Variants in HCN1 observed in about 807,000 individuals in gnomAD.
The protein encoded by HCN1 is potassium/sodium hyperpolarization-activated cyclic nucleotide-gated channel 1.
HCN1 carries 13 observed loss-of-function variants against 78.9 expected under a neutral mutation model. The ratio of observed to expected loss-of-function variants is 0.16; its 90% confidence interval spans 0.11 to 0.26. HCN1 has a LOEUF of 0.26. Among genes scored for constraint, HCN1 ranks in the 10% least tolerant of loss-of-function variants. HCN1 has a pLI of 1.00. For synonymous variants in HCN1, 552 were observed against 455.5 expected (o/e 1.21, Z -2.70); for missense variants, 810 against 1,154.3 (o/e 0.70, Z 4.32).
At chr5:45,350,206 A>G (rs571626668) in intron 5 of HCN1, among the ~76,000 whole-genome samples, 104 of 152,312 alleles carry the variant, frequency 6.8e-4, no homozygotes, top group African/African-American at 2.6e-4. Flanking sequence ...CCTGGGATGC[A>G]AGGCTGGTTC....
chr5:45,612,030 C>A (rs1744849448), intron 2 of HCN1, among the ~76,000 whole-genome samples: 2 of 152,126 alleles, frequency 1.3e-5, no homozygotes, highest in Admixed American at 1.3e-4. Flanking sequence ...GAATCCTATT[C>A]CAAGTTTAAA....
At chr5:45,619,953 G>A (rs1482911515) in intron 2 of HCN1, among the ~76,000 whole-genome samples, 1 of 151,956 alleles carries the variant, frequency 6.6e-6, no homozygotes, top group Non-Finnish European at 1.5e-5. Context: ...GAGAAATCTG[G>A]TAAACATCAC....
At chr5:45,381,033 T>C (rs1747798779) in intron 4 of HCN1, among the ~76,000 whole-genome samples, 1 of 152,140 alleles carries the variant, frequency 6.6e-6, no homozygotes, top group South Asian at 2.1e-4. Flanking sequence ...TGTTATGATA[T>C]TGCAAAGCTC....
chr5:45,393,047 CA>C (rs1739614887), intron 4 of HCN1, among the ~76,000 whole-genome samples: 1 of 152,068 alleles, frequency 6.6e-6, no homozygotes, highest in African/African-American at 2.4e-5. Flanking sequence ...TGGAATTATG[CA>C]GTCTGATTCA....
At chr5:45,680,031 T>C (rs973039687) in intron 1 of HCN1, among the ~76,000 whole-genome samples, 7 of 152,086 alleles carry the variant, frequency 4.6e-5, no homozygotes, top group South Asian at 2.1e-4. Flanking sequence ...AAGTTAAAAA[T>C]TGAAAATAGG....
At chr5:45,306,976 G>T (rs1037209691) in intron 5 of HCN1, among the ~76,000 whole-genome samples, 5 of 151,962 alleles carry the variant, frequency 3.3e-5, no homozygotes, top group Non-Finnish European at 7.4e-5. Context: ...TGTAGTACAA[G>T]AAAGTATGTA....
intron 2 of HCN1, among the ~76,000 whole-genome samples, chr5:45,564,680 T>C (rs1013923729): frequency 1.3e-5 from 2 of 152,224 alleles, no homozygotes; most frequent in African/African-American, 4.8e-5. Flanking sequence ...TATCTTCATT[T>C]CTATAAAGAA....
At chr5:45,267,712 G>A (rs1174658501) in intron 6 of HCN1, among the ~76,000 whole-genome samples, 2 of 152,148 alleles carry the variant, frequency 1.3e-5, no homozygotes, top group East Asian at 3.9e-4. Context: ...AGGTTGCAGT[G>A]AGCCGAGATT....
intron 5 of HCN1, among the ~76,000 whole-genome samples, chr5:45,330,200 T>G (rs1273234355): frequency 2.0e-5 from 3 of 151,464 alleles, no homozygotes; most frequent in African/African-American, 7.2e-5. Context: ...CTTGTGCTTT[T>G]GTATGTTCCA....
intron 6 of HCN1, among the ~76,000 whole-genome samples, chr5:45,296,383 A>G (rs1561093023): frequency 6.6e-6 from 1 of 151,976 alleles, no homozygotes; most frequent in African/African-American, 2.4e-5. Flanking sequence ...CATATGGGAC[A>G]AGGAAAAAGT....
At chr5:45,464,614 C>T (rs1441636778) in intron 2 of HCN1, among the ~76,000 whole-genome samples, 1 of 152,028 alleles carries the variant, frequency 6.6e-6, no homozygotes, top group Non-Finnish European at 1.5e-5. Context: ...CTAGTCAAAC[C>T]CATATATCTT....
chr5:45,375,846 A>C, intron 4 of HCN1, among the ~76,000 whole-genome samples: 1 of 111,450 alleles, frequency 9.0e-6, no homozygotes, highest in Admixed American at 1.1e-4. Flanking sequence ...TATATATAAT[A>C]TAATATTTTA....
At chr5:45,365,321 A>C (rs79474942) in intron 4 of HCN1, among the ~76,000 whole-genome samples, 1 of 151,904 alleles carries the variant, frequency 6.6e-6, no homozygotes, top group Non-Finnish European at 1.5e-5. Flanking sequence ...CTCAATAGGT[A>C]ATTTTTCAAC....
chr5:45,306,042 C>T (rs999722498), intron 5 of HCN1, among the ~76,000 whole-genome samples: 1 of 151,562 alleles, frequency 6.6e-6, no homozygotes, highest in African/African-American at 2.4e-5. Flanking sequence ...TATTTCTATA[C>T]AAAAACAACA....
intron 1 of HCN1, among the ~76,000 whole-genome samples, chr5:45,647,427 C>T (rs1745570485): frequency 6.6e-6 from 1 of 152,134 alleles, no homozygotes; most frequent in Admixed American, 6.6e-5. Flanking sequence ...GCACTCCTAT[C>T]AAGTCCCTTC....
Position 45,583,626 on chromosome 5 carries a change from A to G in HCN1, c.849+61559T>C, listed in dbSNP as rs576783257. 2.2e-4 allele frequency among the ~76,000 whole-genome samples: 33 copies of G among 152,020 alleles called. No homozygotes were observed. In the South Asian group the frequency reaches 6.2e-3, roughly 29 times the overall value. Reference sequence around the variant, plus strand: ...CTTTTAATTGTGATGTTAGGGTGTCAATTTTGGATCTTTCCTGCTTTCTCT... The same window carrying G: ...CTTTTAATTGTGATGTTAGGGTGTCGATTTTGGATCTTTCCTGCTTTCTCT... On this transcript the variant is annotated intron_variant, in intron 2 of 7. Coordinates refer to ENST00000303230, the MANE Select transcript of HCN1 (RefSeq NM_021072.4).
At chr5:45,573,675 A>G (rs1202666889) in intron 2 of HCN1, among the ~76,000 whole-genome samples, 1 of 152,030 alleles carries the variant, frequency 6.6e-6, no homozygotes, top group African/African-American at 2.4e-5. Context: ...CATTCACTAT[A>G]TACTTAAAAA....
intron 2 of HCN1, among the ~76,000 whole-genome samples, chr5:45,514,087 A>T (rs752406249): frequency 1.1e-4 from 17 of 152,218 alleles, no homozygotes; most frequent in Middle Eastern, 3.4e-3. Flanking sequence ...TAACAGTGGG[A>T]ACATCCTAAG....
intron 2 of HCN1, among the ~76,000 whole-genome samples, chr5:45,584,389 T>C (rs1174306879): frequency 6.6e-6 from 1 of 152,214 alleles, no homozygotes; most frequent in Non-Finnish European, 1.5e-5. Context: ...TTGGTAGATC[T>C]TCCTCCATCC....
Sources: allele counts gnomAD v4.1 joint callset (sites outside exome capture counted in the v4.1 genomes callset), GRCh38; gene constraint gnomAD v4.1.1; transcripts MANE v1.5; gene names NCBI Gene and HGNC (gene_info 2026-07-23, HGNC 2026-07-21).